RPH3AL: variants seen among roughly 807,000 people sequenced by gnomAD.
The protein encoded by RPH3AL is rabphilin 3A like (without C2 domains), also known as rab effector Noc2.
In RPH3AL, 38 loss-of-function variants were observed where a neutral mutation model predicts 43.1. The observed-to-expected ratio is 0.88, with a 90% CI of 0.68 to 1.15. The LOEUF (loss-of-function observed/expected upper bound fraction) is 1.15, where lower values mean the gene tolerates loss of function less well. RPH3AL is among the 50% of genes most tolerant of loss of function. The pLI is 0.00. For missense variants in RPH3AL, 462 were observed against 423.2 expected (o/e 1.09, Z -0.81); for synonymous variants, 189 against 176.3 (o/e 1.07, Z -0.57).
At chr17:226,012 C>T (rs2041098484) in intron 7 of RPH3AL, among the ~76,000 whole-genome samples, 1 of 152,220 alleles carries the variant, frequency 6.6e-6, no homozygotes, top group African/African-American at 2.4e-5. Flanking sequence ...TGAACCATGC[C>T]GTGCCATGTC....
At chr17:327,691 C>T (rs2044651315) in intron 2 of RPH3AL, 112 bp from the exon 3 acceptor site, 5 of 638,026 alleles carry the variant, frequency 7.8e-6, no homozygotes, top group Non-Finnish European at 1.4e-5. Flanking sequence ...GCACGATCCC[C>T]ACTGATGCCT....
chr17:227,143 G>C (rs2041125415), intron 7 of RPH3AL, among the ~76,000 whole-genome samples: 1 of 152,214 alleles, frequency 6.6e-6, no homozygotes. Context: ...CATCCCTGAG[G>C]CTTCCCCACT....
At chr17:226,013 G>A (rs1033667203) in intron 7 of RPH3AL, among the ~76,000 whole-genome samples, 2 of 152,232 alleles carry the variant, frequency 1.3e-5, no homozygotes, top group African/African-American at 2.4e-5. Flanking sequence ...GAACCATGCC[G>A]TGCCATGTCG....
intron 7 of RPH3AL, among the ~76,000 whole-genome samples, chr17:226,986 G>A (rs961797485): frequency 1.3e-5 from 2 of 152,202 alleles, no homozygotes; most frequent in Non-Finnish European, 2.9e-5. Context: ...GAAGATGCGA[G>A]TACACCAGGG....
intron 6 of RPH3AL, among the ~76,000 whole-genome samples, chr17:273,673 A>G (rs2042584295): frequency 6.6e-6 from 1 of 152,258 alleles, no homozygotes; most frequent in African/African-American, 2.4e-5. Context: ...AAGATTCTGA[A>G]GAGATCGGAA....
chr17:242,727 C>T (rs76386369), intron 7 of RPH3AL, among the ~76,000 whole-genome samples: 2,276 of 34,340 alleles, frequency 0.066, 284 homozygotes, highest in Middle Eastern at 0.21. Context: ...CCTCTATTGA[C>T]TACCTTCCTC....
intron 6 of RPH3AL, among the ~76,000 whole-genome samples, chr17:252,120 G>A (rs2041918881): frequency 6.6e-6 from 1 of 151,970 alleles, no homozygotes; most frequent in South Asian, 2.1e-4. Flanking sequence ...TATAGGTGGT[G>A]TGCGCCAATA....
At position 322,107 on chromosome 17, in the gene RPH3AL, G is replaced by C. The variant is rs2044498935; in HGVS notation, c.78-692C>G. Among the ~76,000 whole-genome samples, 2 of 152,188 alleles carry C rather than the reference G, an allele frequency of 1.3e-5. No homozygotes were observed. The highest frequency in any genetic ancestry group is 4.8e-5 in the African/African-American group (2 of 41,446). On this transcript the variant is annotated intron_variant, in intron 3 of 9. Coordinates refer to ENST00000331302, the MANE Select transcript of RPH3AL (RefSeq NM_006987.4). The surrounding 1 kb of genome is among the most constrained non-coding windows in gnomAD (Gnocchi z 4.0). ...AGCGAGTTACAGAAGAGGAGCCGTG[G>C]TGAGGGCAGGTGAGGGCGGGCAACG...
chr17:315,363 G>A (rs1461573784), intron 5 of RPH3AL, among the ~76,000 whole-genome samples: 2 of 145,836 alleles, frequency 1.4e-5, no homozygotes, highest in Admixed American at 6.8e-5. Context: ...CACTTCCACT[G>A]ACCTGTAGTC....
chr17:253,447 G>A (rs1247259851), intron 6 of RPH3AL, among the ~76,000 whole-genome samples: 5 of 152,158 alleles, frequency 3.3e-5, no homozygotes, highest in South Asian at 2.1e-4. Context: ...CTTCCGAGCT[G>A]CTCCTTTGCG....
chr17:224,978 G>A (rs146637137), intron 7 of RPH3AL, among the ~76,000 whole-genome samples: 7 of 141,216 alleles, frequency 5.0e-5, no homozygotes, highest in African/African-American at 1.3e-4. Context: ...GTTGGGGGAG[G>A]GGGGAGGGAT....
chr17:268,876 T>G (rs2042387036), intron 6 of RPH3AL, among the ~76,000 whole-genome samples: 1 of 152,038 alleles, frequency 6.6e-6, no homozygotes, highest in Admixed American at 6.5e-5. Flanking sequence ...TTTTTTATTT[T>G]TTATTTATTA....
intron 1 of RPH3AL, among the ~76,000 whole-genome samples, chr17:334,511 AG>A (rs2044887494): frequency 1.3e-5 from 2 of 149,508 alleles, no homozygotes; most frequent in Non-Finnish European, 3.0e-5. Flanking sequence ...GAACAAGGAC[AG>A]GGACAAGGCA....
chr17:285,238 G>A (rs1285943794), intron 5 of RPH3AL, among the ~76,000 whole-genome samples: 1 of 152,132 alleles, frequency 6.6e-6, no homozygotes, highest in Non-Finnish European at 1.5e-5. Context: ...GCTATCACCA[G>A]ATCCTGTTCC....
chr17:223,146 C>T (rs372616007), intron 7 of RPH3AL, among the ~76,000 whole-genome samples: 8 of 150,958 alleles, frequency 5.3e-5, no homozygotes, highest in East Asian at 3.9e-4. Context: ...GCTGAGATTG[C>T]GCCACTGCAC....
intron 6 of RPH3AL, among the ~76,000 whole-genome samples, chr17:262,662 C>T (rs1392987552): frequency 1.3e-5 from 2 of 152,170 alleles, no homozygotes; most frequent in Admixed American, 6.5e-5. Context: ...TCCCCTGTGA[C>T]CCAGCTCTTG....
chr17:273,749 C>T (rs72806008), intron 6 of RPH3AL, among the ~76,000 whole-genome samples: 8,360 of 152,330 alleles, frequency 0.055, 314 homozygotes, highest in Non-Finnish European at 0.085. Flanking sequence ...TTATATACAA[C>T]ACACTGCAGG....
At chr17:218,142 T>C (rs28689738) in intron 8 of RPH3AL, among the ~76,000 whole-genome samples, 352 of 31,692 alleles carry the variant, frequency 0.011, no homozygotes, top group African/African-American at 0.035. Context: ...AATCAGGACC[T>C]CCAAGGCATT....
chr17:247,614 CAG>C, intron 6 of RPH3AL: 1 of 306,422 alleles, frequency 3.3e-6, no homozygotes. Context: ...GTCTCCTCAG[CAG>C]CTGGGACTAC....
Sources: gnomAD v4.1 joint callset for allele counts (sites outside exome capture counted in the v4.1 genomes callset) on GRCh38, gnomAD v4.1.1 for gene constraint, Gnocchi (gnomAD v3.1) non-coding constraint, MANE v1.5 for transcripts, NCBI Gene and HGNC (gene_info 2026-07-23, HGNC 2026-07-21) for gene names.